The following FNDC3B variants were observed in gnomAD, a reference collection of about 807,000 sequenced individuals.
The protein encoded by FNDC3B is fibronectin type III domain-containing protein 3B.
Under a neutral mutation model 151.5 loss-of-function variants are expected in FNDC3B, and 12 were observed. That is an observed-to-expected ratio of 0.08 (90% CI 0.05 to 0.13). The LOEUF (loss-of-function observed/expected upper bound fraction) is 0.13. Ranked by LOEUF, FNDC3B falls within the 10% of genes least tolerant of loss-of-function variation. The pLI is 1.00. For missense variants in FNDC3B, 1,214 were observed against 1,505.3 expected, an observed-to-expected ratio of 0.81 and a Z score of 3.20; for synonymous variants, 528 against 549.0, an observed-to-expected ratio of 0.96 and a Z score of 0.54.
intron 16 of FNDC3B, among the ~76,000 whole-genome samples, chr3:172,340,052 A>G (rs1157156955): frequency 1.3e-5 from 2 of 152,224 alleles, no homozygotes; most frequent in Non-Finnish European, 2.9e-5. Context: ...TCAACTGGAA[A>G]CACAGCGTGA....
intron 1 of FNDC3B, among the ~76,000 whole-genome samples, chr3:172,063,628 G>C (rs576256570): frequency 6.6e-6 from 1 of 152,302 alleles, no homozygotes; most frequent in Non-Finnish European, 1.5e-5. Context: ...GTTCCATTCG[G>C]AGTTGGCTCA....
chr3:172,223,131 G>C (rs77707569), intron 3 of FNDC3B, among the ~76,000 whole-genome samples: 2 of 152,176 alleles, frequency 1.3e-5, no homozygotes, highest in African/African-American at 4.8e-5. Flanking sequence ...GTTTTAATTA[G>C]GGAAAGATTA....
At chr3:172,190,923 C>T (rs1246219529) in intron 3 of FNDC3B, among the ~76,000 whole-genome samples, 3 of 152,232 alleles carry the variant, frequency 2.0e-5, no homozygotes, top group African/African-American at 7.2e-5. Context: ...CCTGCCTTGG[C>T]CTGCCAAAGT....
At chr3:172,178,623 G>A (rs1455341984) in intron 3 of FNDC3B, among the ~76,000 whole-genome samples, 2 of 152,298 alleles carry the variant, frequency 1.3e-5, no homozygotes, top group African/African-American at 2.4e-5. Context: ...AGGGAAAAGC[G>A]AAAGAGCTGG....
At position 172,189,927 on chromosome 3, in the gene FNDC3B, A is replaced by G. The variant is rs1287881978; in HGVS notation, c.188-36944A>G. On this transcript the variant is annotated intron_variant, in intron 3 of 25. Transcript: ENST00000415807. ...CTTTTATTATTTTCAAAAACCAGCA[A>G]CTACCATTTACTAGTGGCTTATTGT... Among the ~76,000 whole-genome samples the G allele has an allele frequency of 2.0e-5, 3 of 152,182 alleles. No individual in the cohort carries two copies. In the East Asian group the frequency reaches 5.8e-4, roughly 29 times the overall value.
intron 25 of FNDC3B, among the ~76,000 whole-genome samples, chr3:172,386,705 C>T (rs75376807): frequency 6.1e-5 from 9 of 146,638 alleles, no homozygotes; most frequent in African/African-American, 2.3e-4. Flanking sequence ...CGTGCCACTG[C>T]ACTCCAGCCT....
At chr3:172,098,053 A>G (rs910333552) in intron 1 of FNDC3B, among the ~76,000 whole-genome samples, 4 of 152,038 alleles carry the variant, frequency 2.6e-5, no homozygotes, top group Non-Finnish European at 5.9e-5. Flanking sequence ...AAAATAAGCC[A>G]GAAGAGTTGC....
chr3:172,188,758 GCA>G (rs572270169), intron 3 of FNDC3B, among the ~76,000 whole-genome samples: 123 of 152,252 alleles, frequency 8.1e-4, no homozygotes, highest in African/African-American at 2.8e-3. Flanking sequence ...TGTACACTGA[GCA>G]CACACCCTGC....
chr3:172,129,446 C>T (rs551254432), intron 2 of FNDC3B, among the ~76,000 whole-genome samples: 9 of 152,302 alleles, frequency 5.9e-5, no homozygotes, highest in African/African-American at 2.2e-4. Context: ...CTCCCTTTTC[C>T]TCTTTTAATG....
chr3:172,280,294 A>G (rs1253093838), intron 6 of FNDC3B, among the ~76,000 whole-genome samples: 10 of 152,220 alleles, frequency 6.6e-5, no homozygotes, highest in Admixed American at 6.5e-4. Context: ...CTAGGTATCT[A>G]GCTTGTCCTT....
At chr3:172,346,296 C>A in intron 19 of FNDC3B, 31 bp from the exon 20 acceptor site, 3 of 1,264,248 alleles carry the variant, frequency 2.4e-6, no homozygotes, top group Non-Finnish European at 2.3e-6. Context: ...CGCATATATA[C>A]ATACGTGTGT....
intron 23 of FNDC3B, among the ~76,000 whole-genome samples, chr3:172,363,282 A>G (rs1734451751): frequency 6.6e-6 from 1 of 152,202 alleles, no homozygotes; most frequent in South Asian, 2.1e-4. Flanking sequence ...TGATGTACAG[A>G]TGGGGACTGT....
chr3:172,040,356 A>C lies in FNDC3B; in HGVS notation c.-29+585A>C, dbSNP rs574873377. 2.6e-5 allele frequency among the ~76,000 whole-genome samples: 4 copies of C among 151,604 alleles called. No individual in the cohort carries two copies. The East Asian group carries it at 7.9e-4, about 30-fold the overall frequency. ...GCGGTCGGGGGCCTCGAACCCGGGGATGCTCGCGGGGAGGGTCCCGAGCCC... is the reference window on the plus strand; with the variant it reads ...GCGGTCGGGGGCCTCGAACCCGGGGCTGCTCGCGGGGAGGGTCCCGAGCCC... On this transcript the variant is annotated intron_variant, in intron 1 of 25. Transcript: ENST00000415807. The surrounding 1 kb of genome is among the most constrained non-coding windows in gnomAD (Gnocchi z 6.6).
At chr3:172,316,000 C>CTTT (rs555242809) in intron 11 of FNDC3B, among the ~76,000 whole-genome samples, 855 of 79,660 alleles carry the variant, frequency 0.011, no homozygotes, top group Non-Finnish European at 0.016. Context: ...CTTTCTTCTT[C>CTTT]TTTTTTTTTT....
At chr3:172,281,257 A>G (rs150452141) in intron 6 of FNDC3B, among the ~76,000 whole-genome samples, 1,353 of 132,726 alleles carry the variant, frequency 0.01, 14 homozygotes, top group South Asian at 0.017. Flanking sequence ...TTATTTATTT[A>G]TATTTTGAGA....
intron 15 of FNDC3B, among the ~76,000 whole-genome samples, chr3:172,336,157 AG>A (rs1433757830): frequency 1.3e-5 from 2 of 152,222 alleles, no homozygotes; most frequent in Admixed American, 1.3e-4. Context: ...TGGAAATACC[AG>A]GTGAAGGAGA....
At chr3:172,339,391 C>G (rs147319358) in intron 16 of FNDC3B, among the ~76,000 whole-genome samples, 2 of 152,110 alleles carry the variant, frequency 1.3e-5, no homozygotes, top group East Asian at 3.9e-4. Flanking sequence ...TGAAACCCGT[C>G]TCTGCTAGAA....
At chr3:172,281,805 C>A (rs978369389) in intron 6 of FNDC3B, among the ~76,000 whole-genome samples, 2 of 152,102 alleles carry the variant, frequency 1.3e-5, no homozygotes, top group African/African-American at 4.8e-5. Context: ...ACCCTAAAGG[C>A]AAATCAGCAG....
At position 172,392,810 on chromosome 3, in the gene FNDC3B, C is replaced by CTTTTTTTTTTTTTTTTT. The variant is rs1167627679; in HGVS notation, c.3304-4342_3304-4341insTTTTTTTTTTTTTTTTT. On this transcript the variant is annotated intron_variant, in intron 25 of 25. Coordinates refer to ENST00000415807, the MANE Select transcript of FNDC3B (RefSeq NM_022763.4). ...GAATGAATTTTTTCTTTTTTTTTTT[C>CTTTTTTTTTTTTTTTTT]TTTTTTTTTTTTCAGACAGAGAGTA... is the stretch of plus-strand genomic sequence containing the variant. Among the ~76,000 whole-genome samples, 10 of 99,870 alleles carry CTTTTTTTTTTTTTTTTT rather than the reference C, an allele frequency of 1.0e-4. 1 individual carries two copies. Among genetic ancestry groups the CTTTTTTTTTTTTTTTTT allele is most frequent in the Admixed American group, 2.9e-4 (2 of 6,890 alleles). The allele number at this position is 99,870 out of a possible 152,430, so 65.5% of individuals were successfully genotyped here. A position where few individuals can be genotyped will look rare whatever the true frequency, so the allele number is the denominator to read the frequency against.
Sources: gnomAD v4.1 joint callset for allele counts (sites outside exome capture counted in the v4.1 genomes callset) on GRCh38, gnomAD v4.1.1 for gene constraint, Gnocchi (gnomAD v3.1) non-coding constraint, MANE v1.5 for transcripts, NCBI Gene and HGNC (gene_info 2026-07-23, HGNC 2026-07-21) for gene names.